FAM110B: variants seen among roughly 807,000 people sequenced by gnomAD.
The protein encoded by FAM110B is protein FAM110B.
FAM110B carries 6 observed loss-of-function variants against 20.4 expected under a neutral mutation model. That is an observed-to-expected ratio of 0.29 (90% confidence interval 0.16 to 0.58). The LOEUF is 0.58. Ranked by LOEUF, FAM110B falls within the 20% of genes least tolerant of loss-of-function variation. FAM110B has a pLI of 0.90. For synonymous variants in FAM110B, 226 were observed against 214.1 expected (o/e 1.06, Z -0.49); for missense variants, 434 against 498.2 (o/e 0.87, Z 1.23).
At chr8:58,119,436 G>A (rs1455651907) in intron 3 of FAM110B, among the ~76,000 whole-genome samples, 1 of 152,160 alleles carries the variant, frequency 6.6e-6, no homozygotes, top group Non-Finnish European at 1.5e-5. Flanking sequence ...TCCTATTCAT[G>A]AGACTGATGC....
At chr8:58,007,856 A>G (rs1363610183) in intron 1 of FAM110B, among the ~76,000 whole-genome samples, 1 of 152,166 alleles carries the variant, frequency 6.6e-6, no homozygotes, top group East Asian at 1.9e-4. Context: ...GCATTATGCT[A>G]GGTGCTGGGA....
chr8:58,076,432 A>G (rs778752350), intron 3 of FAM110B, among the ~76,000 whole-genome samples: 1 of 152,164 alleles, frequency 6.6e-6, no homozygotes, highest in African/African-American at 2.4e-5. Context: ...GAGGTGGAGC[A>G]TCTTTGGAGG....
At chr8:58,047,174 C>T (rs1805336586) in intron 2 of FAM110B, among the ~76,000 whole-genome samples, 1 of 152,148 alleles carries the variant, frequency 6.6e-6, no homozygotes, top group East Asian at 1.9e-4. Flanking sequence ...CCTATGAAAA[C>T]AGTGAAGACT....
rs1404421666 is a variant in FAM110B at position 58,129,405 on chromosome 8, C to A, written c.-324-16502C>A. Among the ~76,000 whole-genome samples the A allele has an allele frequency of 3.9e-5, 6 of 152,322 alleles. No individual in the cohort carries two copies. The East Asian group carries it at 5.8e-4, about 15-fold the overall frequency. The stretch of plus-strand genomic sequence containing the variant: ...ACATTACATGCAAATATAACATGAC[C>A]TTTTAGCACAGTTTATTGCAGAAAC... On this transcript the variant is annotated intron_variant, in intron 3 of 3. Transcript: ENST00000519262.
rs10651271 is a variant in FAM110B at position 58,024,172 on chromosome 8, C to CTTTTTTT, written c.-511-7425_-511-7419dup. Among the ~76,000 whole-genome samples, 210 of 129,502 alleles carry CTTTTTTT rather than the reference C, an allele frequency of 1.6e-3. 6 individuals carry two copies. The highest frequency in any genetic ancestry group is 5.3e-3 in the African/African-American group (184 of 35,010). 85.0% of individuals were successfully genotyped at this position (129,502 alleles called of 152,430 possible). On this transcript the variant is annotated intron_variant, in intron 1 of 3. Transcript: ENST00000519262. Reference sequence around the variant, plus strand: ...TAAATTTAATGAAACTTTCACTGTGCTTTTTTTTTTTTTTTGTAAAACCCA... The same window carrying CTTTTTTT: ...TAAATTTAATGAAACTTTCACTGTGCTTTTTTTTTTTTTTTTTTTTTTGTAAAACCCA...
In FAM110B at chr8:58,146,040, GAA is replaced by G. The variant is rs1169473100; in HGVS notation, c.-188_-187del. ...TGTGCAAGGGCCGCCTGGAAGGGGA[GAA>G]AAGTGTATGAAAGCCACCGTGGCGG... On this transcript the variant is annotated 5_prime_UTR_variant, in exon 4 of 4. Transcript: ENST00000519262. The G allele has an allele frequency of 2.5e-5, 15 of 598,196 alleles. No homozygotes were observed. Among genetic ancestry groups the G allele is most frequent in the Non-Finnish European group, 4.2e-5 (15 of 354,106 alleles). The allele number at this position is 598,196 out of a possible 1,614,324, so 37.1% of individuals were successfully genotyped here.
intron 1 of FAM110B, among the ~76,000 whole-genome samples, chr8:58,011,679 C>T (rs918611488): frequency 5.8e-4 from 88 of 152,200 alleles, no homozygotes; most frequent in African/African-American, 2.0e-3. Flanking sequence ...CTTTGACACA[C>T]ACCCAAGATC....
chr8:57,996,147 A>C (rs1804181483), intron 1 of FAM110B, among the ~76,000 whole-genome samples: 1 of 152,066 alleles, frequency 6.6e-6, no homozygotes, highest in South Asian at 2.1e-4. Context: ...TTAATGGTAA[A>C]CTAGAATCCT....
chr8:58,065,344 T>G (rs919118515), intron 2 of FAM110B, among the ~76,000 whole-genome samples: 1 of 152,288 alleles, frequency 6.6e-6, no homozygotes, highest in Non-Finnish European at 1.5e-5. Context: ...TATTGTTACT[T>G]AAAATTTTAT....
intron 2 of FAM110B, among the ~76,000 whole-genome samples, chr8:58,035,641 T>G (rs1295872436): frequency 6.6e-6 from 1 of 152,194 alleles, no homozygotes; most frequent in East Asian, 1.9e-4. Context: ...GGAACTGAAT[T>G]GAAAATGCAG....
At chr8:58,099,420 T>G (rs551243550) in intron 3 of FAM110B, among the ~76,000 whole-genome samples, 16 of 152,342 alleles carry the variant, frequency 1.1e-4, no homozygotes, top group African/African-American at 3.8e-4. Flanking sequence ...ATACTCAACC[T>G]GCATTTAATT....
At chr8:58,114,313 T>C (rs1807141512) in intron 3 of FAM110B, among the ~76,000 whole-genome samples, 1 of 152,208 alleles carries the variant, frequency 6.6e-6, no homozygotes. Flanking sequence ...ATTAAATAAT[T>C]ATTTTTCTGG....
intron 1 of FAM110B, among the ~76,000 whole-genome samples, chr8:58,016,321 A>G (rs1804634861): frequency 6.6e-6 from 1 of 152,186 alleles, no homozygotes; most frequent in African/African-American, 2.4e-5. Flanking sequence ...CTCTCTTCAC[A>G]TTCTGTGGGG....
intron 3 of FAM110B, among the ~76,000 whole-genome samples, chr8:58,109,699 G>T (rs1012814240): frequency 3.9e-5 from 6 of 152,134 alleles, no homozygotes; most frequent in Non-Finnish European, 7.4e-5. Context: ...AAGTGCCTGG[G>T]ATACCCACGG....
At chr8:58,037,639 T>TA (rs964538735) in intron 2 of FAM110B, among the ~76,000 whole-genome samples, 36 of 146,706 alleles carry the variant, frequency 2.5e-4, no homozygotes, top group Admixed American at 7.5e-4. Context: ...TCTGTCTCTT[T>TA]AAAAAAAAAA....
chr8:58,058,293 A>T (rs1481206851), intron 2 of FAM110B, among the ~76,000 whole-genome samples: 1 of 151,770 alleles, frequency 6.6e-6, no homozygotes, highest in African/African-American at 2.4e-5. Context: ...TGACCTCAAG[A>T]TGCTTAGCTG....
intron 3 of FAM110B, among the ~76,000 whole-genome samples, chr8:58,085,268 T>A (rs1283380311): frequency 4.6e-5 from 7 of 152,166 alleles, no homozygotes; most frequent in Admixed American, 4.6e-4. Context: ...ATCCCAGCCC[T>A]TCAGGAGTCC....
At chr8:58,115,623 A>T (rs574896115) in intron 3 of FAM110B, among the ~76,000 whole-genome samples, 1 of 152,236 alleles carries the variant, frequency 6.6e-6, no homozygotes, top group South Asian at 2.1e-4. Flanking sequence ...CGAACTCATG[A>T]CATCAGGTGA....
At chr8:58,054,740 C>T (rs1029105627) in intron 2 of FAM110B, among the ~76,000 whole-genome samples, 2 of 151,880 alleles carry the variant, frequency 1.3e-5, no homozygotes, top group African/African-American at 2.4e-5. Context: ...GAGTTGATGG[C>T]GGGAGTGGGG....
Sources: allele counts gnomAD v4.1 joint callset (sites outside exome capture counted in the v4.1 genomes callset), GRCh38; gene constraint gnomAD v4.1.1; transcripts MANE v1.5; gene names NCBI Gene and HGNC (gene_info 2026-07-23, HGNC 2026-07-21).